Variants in EGLN1 observed in about 807,000 individuals in gnomAD.
The protein encoded by EGLN1 is egl-9 family hypoxia inducible factor 1.
Under a neutral mutation model 38.3 loss-of-function variants are expected in EGLN1, and 17 were observed. That is an observed-to-expected ratio of 0.44 (90% confidence interval 0.30 to 0.67). The LOEUF is 0.67. EGLN1 is among the 30% of genes least tolerant of loss of function. The probability of loss-of-function intolerance (pLI) is 0.08; values close to 1 mark genes in which losing one functional copy is unlikely to be tolerated. For missense variants in EGLN1, 477 were observed against 603.3 expected (o/e 0.79, Z 2.19); for synonymous variants, 283 against 257.5 (o/e 1.10, Z -0.95).
chr1:231,409,028 C>A (rs1268811787), intron 1 of EGLN1, among the ~76,000 whole-genome samples: 55 of 147,290 alleles, frequency 3.7e-4, no homozygotes, highest in African/African-American at 1.1e-3. Flanking sequence ...AAAAAACAAA[C>A]AAACAGGCTT....
chr1:231,368,280 G>GA (rs1687713721), intron 3 of EGLN1, among the ~76,000 whole-genome samples: 1 of 152,162 alleles, frequency 6.6e-6, no homozygotes, highest in Non-Finnish European at 1.5e-5. Context: ...GAACAGAAAA[G>GA]AAACAGATAA....
intron 1 of EGLN1, 121 bp downstream of exon 1, chr1:231,420,877 G>C (rs1470328816): frequency 3.1e-6 from 5 of 1,592,938 alleles, no homozygotes; most frequent in Non-Finnish European, 4.3e-6. Context: ...AGCTACACAA[G>C]AAAGAGCGAG....
chr1:231,399,248 T>C (rs1688605865), intron 1 of EGLN1, among the ~76,000 whole-genome samples: 1 of 152,190 alleles, frequency 6.6e-6, no homozygotes, highest in Non-Finnish European at 1.5e-5. Flanking sequence ...CACTTTATAT[T>C]ATCTCTAATC....
intron 1 of EGLN1, among the ~76,000 whole-genome samples, chr1:231,388,937 G>A (rs1572031749): frequency 6.6e-6 from 1 of 152,162 alleles, no homozygotes; most frequent in East Asian, 1.9e-4. Flanking sequence ...TTACAGGCGT[G>A]AGCCACCGCG....
intron 1 of EGLN1, among the ~76,000 whole-genome samples, chr1:231,411,241 A>C (rs1011455376): frequency 2.0e-5 from 3 of 152,106 alleles, no homozygotes; most frequent in Non-Finnish European, 4.4e-5. Context: ...TCTTATGTTA[A>C]AAGTGTTTGA....
At chr1:231,390,666 G>A (rs952040575) in intron 1 of EGLN1, among the ~76,000 whole-genome samples, 3 of 152,150 alleles carry the variant, frequency 2.0e-5, no homozygotes, top group Non-Finnish European at 2.9e-5. Flanking sequence ...AGATTGAAGC[G>A]ATTCAATAAA....
At chr1:231,382,347 A>T (rs1424005659) in intron 1 of EGLN1, among the ~76,000 whole-genome samples, 1 of 152,214 alleles carries the variant, frequency 6.6e-6, no homozygotes, top group Non-Finnish European at 1.5e-5. Flanking sequence ...ATCCTGGAGC[A>T]CTTAGTTAAC....
At chr1:231,374,131 C>G in intron 1 of EGLN1, 32 bp from the exon 2 acceptor site, 2 of 1,605,240 alleles carry the variant, frequency 1.2e-6, no homozygotes, top group Non-Finnish European at 8.5e-7. Context: ...TTATTAAAGT[C>G]CATGTATAAA....
intron 1 of EGLN1, among the ~76,000 whole-genome samples, chr1:231,390,842 T>C (rs1688347070): frequency 7.3e-6 from 1 of 137,152 alleles, no homozygotes; most frequent in Admixed American, 7.6e-5. Flanking sequence ...GGATTATCTT[T>C]ACTATTATTA....
Position 231,366,401 on chromosome 1 carries a change from A to C in EGLN1, c.*10T>G. The C allele has an allele frequency of 6.2e-7, 1 of 1,613,816 alleles. No homozygotes were observed. Among genetic ancestry groups the C allele is most frequent in the Non-Finnish European group, 8.5e-7 (1 of 1,179,832 alleles). ...TGTAGGTGAAGTGGGGTATTGCTGG[A>C]TCAAAGGCTCTAGAAGACGTCTTTA... is the stretch of plus-strand genomic sequence containing the variant. On this transcript the variant is annotated 3_prime_UTR_variant, in exon 5 of 5. Transcript: ENST00000366641.
chr1:231,396,441 A>C (rs1049650997), intron 1 of EGLN1, among the ~76,000 whole-genome samples: 4 of 151,902 alleles, frequency 2.6e-5, no homozygotes, highest in African/African-American at 9.7e-5. Context: ...TTTAGTAGAG[A>C]CGGGGTTTCA....
chr1:231,398,027 GAA>G (rs1688574601), intron 1 of EGLN1, among the ~76,000 whole-genome samples: 1 of 152,192 alleles, frequency 6.6e-6, no homozygotes, highest in Non-Finnish European at 1.5e-5. Context: ...TAGCATCTAA[GAA>G]AGAGTCAGGA....
intron 1 of EGLN1, among the ~76,000 whole-genome samples, chr1:231,419,515 C>G (rs892365247): frequency 1.3e-5 from 2 of 152,216 alleles, no homozygotes; most frequent in Non-Finnish European, 2.9e-5. Flanking sequence ...CTTTCCTGCT[C>G]TGGAGCTCAG....
chr1:231,377,697 T>G (rs1014965206), intron 1 of EGLN1, among the ~76,000 whole-genome samples: 1 of 152,148 alleles, frequency 6.6e-6, no homozygotes, highest in Non-Finnish European at 1.5e-5. Context: ...GGGATCTGTT[T>G]GTATTATTCA....
At chr1:231,391,108 G>GTC (rs1263321650) in intron 1 of EGLN1, among the ~76,000 whole-genome samples, 27 of 149,860 alleles carry the variant, frequency 1.8e-4, no homozygotes, top group Non-Finnish European at 2.5e-4. Flanking sequence ...GTGTGTGTGT[G>GTC]TGTGTGTGTG....
chr1:231,387,726 A>G (rs1340161477), intron 1 of EGLN1, among the ~76,000 whole-genome samples: 1 of 152,122 alleles, frequency 6.6e-6, no homozygotes, highest in Admixed American at 6.5e-5. Flanking sequence ...TGAGTACAAG[A>G]TTTTCATAAC....
chr1:231,382,119 C>T (rs1396991982), intron 1 of EGLN1, among the ~76,000 whole-genome samples: 4 of 152,184 alleles, frequency 2.6e-5, no homozygotes, highest in Non-Finnish European at 4.4e-5. Context: ...CACTTAGCTG[C>T]TTGACATTAC....
chr1:231,399,471 A>G (rs1393526222), intron 1 of EGLN1, among the ~76,000 whole-genome samples: 1 of 152,214 alleles, frequency 6.6e-6, no homozygotes, highest in African/African-American at 2.4e-5. Context: ...TACTATTTAT[A>G]GTTAGTGAGA....
At chr1:231,406,471 T>C (rs1688799002) in intron 1 of EGLN1, among the ~76,000 whole-genome samples, 2 of 152,074 alleles carry the variant, frequency 1.3e-5, no homozygotes, top group African/African-American at 4.8e-5. Flanking sequence ...TATATACCGG[T>C]TAACTTTGTT....
Sources: allele counts gnomAD v4.1 joint callset (sites outside exome capture counted in the v4.1 genomes callset), GRCh38; gene constraint gnomAD v4.1.1; transcripts MANE v1.5; gene names NCBI Gene and HGNC (gene_info 2026-07-23, HGNC 2026-07-21).